The following DOCK10 variants were observed in gnomAD, a reference collection of about 807,000 sequenced individuals.
DOCK10 encodes dedicator of cytokinesis protein 10.
Under a neutral mutation model 280.1 loss-of-function variants are expected in DOCK10, and 145 were observed. The observed-to-expected ratio is 0.52, with a 90% CI of 0.45 to 0.59. The LOEUF (loss-of-function observed/expected upper bound fraction) is 0.59. DOCK10 is among the 20% of genes least tolerant of loss of function. DOCK10 has a pLI of 0.00. For synonymous variants in DOCK10, 915 were observed against 942.2 expected (o/e 0.97, Z 0.53); for missense variants, 2,368 against 2,651.7 (o/e 0.89, Z 2.35).
intron 50 of DOCK10, chr2:224,778,545 T>C: frequency 2.1e-6 from 1 of 470,850 alleles, no homozygotes; most frequent in Non-Finnish European, 3.9e-6. Context: ...TTATTTTCTC[T>C]ATTTGTAGAA....
chr2:224,840,099 A>G lies in DOCK10; in HGVS notation c.2662-27T>C, dbSNP rs1218786703. The stretch of plus-strand genomic sequence containing the variant: ...TGTAGTAAATTGGCAGAAAAAAAGG[A>G]TACCAATTAAATTTGAAGCATGTCC... On this transcript the variant is annotated intron_variant, in intron 23 of 55. Transcript: ENST00000258390. 2.7e-6 allele frequency: 3 copies of G among 1,117,452 alleles called. No homozygotes were observed. The African/African-American group carries it at 4.7e-5, about 17-fold the overall frequency. The allele number at this position is 1,117,452 out of a possible 1,614,324, so 69.2% of individuals were successfully genotyped here. A position where few individuals can be genotyped will look rare whatever the true frequency, so the allele number is the denominator to read the frequency against.
chr2:224,793,554 G>T, intron 45 of DOCK10, 97 bp from the exon 46 acceptor site: 1 of 899,190 alleles, frequency 1.1e-6, no homozygotes, highest in Non-Finnish European at 1.7e-6. Context: ...ATCAGAATAT[G>T]TTAGAAGGAT....
chr2:224,918,848 GGT>G (rs932892387), intron 2 of DOCK10, among the ~76,000 whole-genome samples: 11 of 143,736 alleles, frequency 7.7e-5, no homozygotes, highest in African/African-American at 1.3e-4. Context: ...GGGCATGTGT[GGT>G]GTGTGTGTGG....
chr2:224,964,783 C>T (rs1704638223), intron 1 of DOCK10, among the ~76,000 whole-genome samples: 1 of 152,190 alleles, frequency 6.6e-6, no homozygotes, highest in African/African-American at 2.4e-5. Context: ...TCCTTTCCTT[C>T]TTTTTCTTTC....
At chr2:224,822,500 C>T (rs555959961) in intron 28 of DOCK10, among the ~76,000 whole-genome samples, 37 of 152,178 alleles carry the variant, frequency 2.4e-4, no homozygotes, top group Admixed American at 2.3e-3. Flanking sequence ...TTAGGGAGGC[C>T]AATCTCTTGA....
At chr2:224,874,800 C>T in intron 8 of DOCK10, 49 bp from the exon 9 acceptor site, 1 of 1,525,850 alleles carries the variant, frequency 6.6e-7, no homozygotes, top group South Asian at 1.1e-5. Flanking sequence ...TCACGAGTCA[C>T]ACATTCTTCT....
At chr2:224,997,915 G>A (rs565648377) in intron 1 of DOCK10, among the ~76,000 whole-genome samples, 27 of 152,104 alleles carry the variant, frequency 1.8e-4, no homozygotes, top group Non-Finnish European at 3.8e-4. Context: ...AGAGCCCAGG[G>A]GGCTACCAGA....
At chr2:224,908,672 T>G (rs188863821) in intron 3 of DOCK10, among the ~76,000 whole-genome samples, 4 of 151,874 alleles carry the variant, frequency 2.6e-5, no homozygotes, top group African/African-American at 9.7e-5. Flanking sequence ...AATTAAAAAG[T>G]TTTTTTTAGA....
chr2:225,029,355 A>T (rs1357163443), intron 1 of DOCK10, among the ~76,000 whole-genome samples: 2 of 152,146 alleles, frequency 1.3e-5, no homozygotes, highest in East Asian at 1.9e-4. Flanking sequence ...TATTTTTAGT[A>T]GAGACAGGGT....
intron 1 of DOCK10, among the ~76,000 whole-genome samples, chr2:224,997,225 T>C (rs1258443319): frequency 1.4e-5 from 2 of 138,562 alleles, no homozygotes; most frequent in Non-Finnish European, 3.1e-5. Context: ...CTCCCTTCCT[T>C]CCTTCCTTCC....
intron 22 of DOCK10, among the ~76,000 whole-genome samples, chr2:224,843,225 G>A (rs535451652): frequency 1.2e-3 from 187 of 152,296 alleles, no homozygotes; most frequent in African/African-American, 4.3e-3. Flanking sequence ...ACTGGGTCTT[G>A]CGGGAACTAG....
rs761627934 is a variant in DOCK10 at position 224,805,532 on chromosome 2, G to C, written c.3815-3C>G. 2 of 1,611,920 alleles carry C rather than the reference G, an allele frequency of 1.2e-6. No homozygotes were observed. The highest frequency in any genetic ancestry group is 3.3e-5 in the Admixed American group (2 of 59,818). On this transcript the variant is annotated splice_region_variant and splice_polypyrimidine_tract_variant and intron_variant, in intron 34 of 55. Coordinates refer to ENST00000258390, the MANE Select transcript of DOCK10 (RefSeq NM_014689.3). This position sits in a 1 kb window ranked among gnomAD's most constrained non-coding sequence, Gnocchi z 4.3. ...AGAAATAGCTATTGATGAAAATGCTGTAAACACAAGCCACAGCACACGTAT... is the reference window on the plus strand; with the variant it reads ...AGAAATAGCTATTGATGAAAATGCTCTAAACACAAGCCACAGCACACGTAT...
chr2:224,916,631 C>T (rs1701340027), intron 3 of DOCK10, 64 bp downstream of exon 3: 5 of 1,071,226 alleles, frequency 4.7e-6, no homozygotes, highest in Non-Finnish European at 6.9e-6. Context: ...TAGTAAATTG[C>T]ATTGAGAATC....
chr2:224,962,996 C>A (rs1704535402), intron 1 of DOCK10, among the ~76,000 whole-genome samples: 1 of 151,858 alleles, frequency 6.6e-6, no homozygotes, highest in Admixed American at 6.6e-5. Context: ...GTATATAAAC[C>A]CTGGTTACTA....
chr2:224,942,296 G>T (rs1044574701), intron 1 of DOCK10, among the ~76,000 whole-genome samples: 2 of 152,198 alleles, frequency 1.3e-5, no homozygotes, highest in African/African-American at 4.8e-5. Context: ...GTGTTCACCT[G>T]GATTCTTAGG....
intron 31 of DOCK10, among the ~76,000 whole-genome samples, chr2:224,810,207 T>C (rs1015002006): frequency 2.0e-5 from 3 of 152,128 alleles, no homozygotes; most frequent in Non-Finnish European, 4.4e-5. Flanking sequence ...CTAAAAGCCT[T>C]AACTTCACCA....
intron 4 of DOCK10, among the ~76,000 whole-genome samples, chr2:224,888,099 A>G (rs927829510): frequency 7.9e-5 from 12 of 152,310 alleles, no homozygotes; most frequent in Non-Finnish European, 1.6e-4. Flanking sequence ...CAGCTTATAA[A>G]GATATCTGCA....
At chr2:224,951,018 A>T (rs1187102848) in intron 1 of DOCK10, among the ~76,000 whole-genome samples, 1 of 152,210 alleles carries the variant, frequency 6.6e-6, no homozygotes, top group Admixed American at 6.5e-5. Context: ...GGCAATGTCT[A>T]AAAAGATTCA....
At chr2:224,857,100 A>C in intron 14 of DOCK10, 118 bp from the exon 15 acceptor site, 1 of 894,430 alleles carries the variant, frequency 1.1e-6, no homozygotes, top group Non-Finnish European at 1.5e-6. Context: ...AAGAACTTAT[A>C]AAATAAAAAG....
Sources: gnomAD v4.1 joint callset for allele counts (sites outside exome capture counted in the v4.1 genomes callset) on GRCh38, gnomAD v4.1.1 for gene constraint, Gnocchi (gnomAD v3.1) non-coding constraint, MANE v1.5 for transcripts, NCBI Gene and HGNC (gene_info 2026-07-23, HGNC 2026-07-21) for gene names.